GABRB1: variants seen among roughly 807,000 people sequenced by gnomAD.
GABRB1 encodes gamma-aminobutyric acid receptor subunit beta-1.
GABRB1 carries 17 observed loss-of-function variants against 51.6 expected under a neutral mutation model. The observed-to-expected ratio is 0.33, with a 90% CI of 0.23 to 0.49. The LOEUF is 0.49. Among genes scored for constraint, GABRB1 ranks in the 20% least tolerant of loss-of-function variants. The probability of loss-of-function intolerance (pLI) is 0.99; values close to 1 mark genes in which losing one functional copy is unlikely to be tolerated. For missense variants in GABRB1, 410 were observed against 600.6 expected, an observed-to-expected ratio of 0.68 and a Z score of 3.32; for synonymous variants, 247 against 218.9, an observed-to-expected ratio of 1.13 and a Z score of -1.14.
intron 4 of GABRB1, among the ~76,000 whole-genome samples, chr4:47,200,190 G>A (rs1276167625): frequency 1.3e-5 from 2 of 152,138 alleles, no homozygotes; most frequent in South Asian, 2.1e-4. Flanking sequence ...GTCCTGCAGG[G>A]GTCAAAACGT....
chr4:47,109,699 G>A (rs1715135476), intron 3 of GABRB1, among the ~76,000 whole-genome samples: 1 of 152,100 alleles, frequency 6.6e-6, no homozygotes. Flanking sequence ...GTCTCACCTG[G>A]GATGCTGAAG....
chr4:47,092,565 T>A (rs1728369240), intron 3 of GABRB1, among the ~76,000 whole-genome samples: 1 of 151,844 alleles, frequency 6.6e-6, no homozygotes, highest in South Asian at 2.1e-4. Flanking sequence ...AATTTGTGAA[T>A]CTGAGGTCAC....
chr4:47,411,537 A>C (rs1272186462), intron 8 of GABRB1, among the ~76,000 whole-genome samples: 1 of 152,200 alleles, frequency 6.6e-6, no homozygotes, highest in Non-Finnish European at 1.5e-5. Context: ...ATTATAAAGA[A>C]CTAGTGTGAG....
intron 4 of GABRB1, among the ~76,000 whole-genome samples, chr4:47,243,679 C>G (rs767385813): frequency 6.6e-6 from 1 of 152,128 alleles, no homozygotes; most frequent in Non-Finnish European, 1.5e-5. Flanking sequence ...CATGATTTGG[C>G]TCTCTATCTG....
At chr4:47,160,192 T>G (rs1229252334) in intron 3 of GABRB1, among the ~76,000 whole-genome samples, 2 of 152,096 alleles carry the variant, frequency 1.3e-5, no homozygotes, top group Non-Finnish European at 2.9e-5. Context: ...AAGAAAAAGT[T>G]CAGGGGGATA....
intron 3 of GABRB1, among the ~76,000 whole-genome samples, chr4:47,151,337 T>G (rs1414868582): frequency 6.6e-6 from 1 of 152,068 alleles, no homozygotes; most frequent in African/African-American, 2.4e-5. Context: ...TTTCTCCCTT[T>G]TAAGCTCTGT....
At chr4:47,155,746 C>A (rs139100645) in intron 3 of GABRB1, among the ~76,000 whole-genome samples, 1,928 of 151,582 alleles carry the variant, frequency 0.013, 22 homozygotes, top group Non-Finnish European at 0.019. Flanking sequence ...AAAATGATTT[C>A]TTATGGTAAA....
rs375510311 is a variant in GABRB1 at position 47,394,476 on chromosome 4, G to A, written c.545-8842G>A. On this transcript the variant is annotated intron_variant, in intron 5 of 8. Coordinates refer to ENST00000295454, the MANE Select transcript of GABRB1 (RefSeq NM_000812.4). ...CATTCATTTGTGAAGTGTGAGGCACGAGAACCTGACTGAATGAAAGGCCAC... is the reference window on the plus strand; with the variant it reads ...CATTCATTTGTGAAGTGTGAGGCACAAGAACCTGACTGAATGAAAGGCCAC... Among the ~76,000 whole-genome samples the A allele has an allele frequency of 1.1e-4, 8 of 71,936 alleles. No individual in the cohort carries two copies. In the East Asian group the frequency reaches 2.0e-3, roughly 18 times the overall value. The allele number at this position is 71,936 out of a possible 152,430, so 47.2% of individuals were successfully genotyped here. A position where few individuals can be genotyped will look rare whatever the true frequency, so the allele number is the denominator to read the frequency against.
chr4:47,114,069 AGT>A (rs1190873199), intron 3 of GABRB1, among the ~76,000 whole-genome samples: 2 of 152,212 alleles, frequency 1.3e-5, no homozygotes, highest in African/African-American at 2.4e-5. Flanking sequence ...ATGCATATGC[AGT>A]TTACAGTTCT....
At chr4:47,289,895 G>A (rs1353443385) in intron 4 of GABRB1, among the ~76,000 whole-genome samples, 1 of 152,146 alleles carries the variant, frequency 6.6e-6, no homozygotes, top group Non-Finnish European at 1.5e-5. Flanking sequence ...AAAGAATATT[G>A]GGAACTTTTG....
At chr4:47,214,935 A>T (rs1335638825) in intron 4 of GABRB1, among the ~76,000 whole-genome samples, 1 of 152,178 alleles carries the variant, frequency 6.6e-6, no homozygotes, top group Non-Finnish European at 1.5e-5. Flanking sequence ...CATATTTCTC[A>T]GCTTCCCTTA....
chr4:47,298,274 A>C (rs1724093525), intron 4 of GABRB1, among the ~76,000 whole-genome samples: 2 of 152,306 alleles, frequency 1.3e-5, no homozygotes, highest in African/African-American at 4.8e-5. Flanking sequence ...AGGGTATTCA[A>C]TTAGGAAAAG....
At chr4:47,001,409 T>C (rs1724211432) in intron 1 of GABRB1, among the ~76,000 whole-genome samples, 1 of 152,234 alleles carries the variant, frequency 6.6e-6, no homozygotes, top group Non-Finnish European at 1.5e-5. Context: ...CCCAAAGTGC[T>C]GGAATTACAG....
rs113503678 is a variant in GABRB1 at position 47,379,470 on chromosome 4, T to G, written c.545-23848T>G. On this transcript the variant is annotated intron_variant, in intron 5 of 8. Transcript: ENST00000295454. ...GGCCTAACTGTGAACTAATGTAAGG[T>G]TTTTGAACACATTTAAAGTAGGCTA... Among the ~76,000 whole-genome samples the G allele has an allele frequency of 5.6e-3, 855 of 152,264 alleles. 6 individuals are homozygous for G. The highest frequency in any genetic ancestry group is 0.019 in the African/African-American group (794 of 41,546).
intron 4 of GABRB1, among the ~76,000 whole-genome samples, chr4:47,188,697 T>C (rs900580342): frequency 1.3e-5 from 2 of 152,028 alleles, no homozygotes; most frequent in Non-Finnish European, 2.9e-5. Flanking sequence ...AAGTATATTA[T>C]GGAATCAAGA....
chr4:47,212,296 C>T (rs1484777840), intron 4 of GABRB1, among the ~76,000 whole-genome samples: 1 of 152,128 alleles, frequency 6.6e-6, no homozygotes, highest in African/African-American at 2.4e-5. Flanking sequence ...CAGCGGGAGG[C>T]CACTAACAAC....
intron 3 of GABRB1, among the ~76,000 whole-genome samples, chr4:47,041,326 A>T (rs1475015703): frequency 6.6e-6 from 1 of 152,148 alleles, no homozygotes; most frequent in Non-Finnish European, 1.5e-5. Context: ...TCCTGGAAAG[A>T]GGAAATCTAT....
intron 5 of GABRB1, among the ~76,000 whole-genome samples, chr4:47,341,617 C>G (rs75174690): frequency 0.029 from 4,449 of 152,252 alleles, 262 homozygotes; most frequent in African/African-American, 0.1. Context: ...ACTAAAAGAA[C>G]TAGAATTAGC....
intron 4 of GABRB1, among the ~76,000 whole-genome samples, chr4:47,224,235 A>G (rs1374348690): frequency 6.7e-6 from 1 of 150,104 alleles, no homozygotes. Flanking sequence ...TAAGACTCAA[A>G]TGTCCATTCT....
Sources: gnomAD v4.1 joint callset for allele counts (sites outside exome capture counted in the v4.1 genomes callset) on GRCh38, gnomAD v4.1.1 for gene constraint, MANE v1.5 for transcripts, NCBI Gene and HGNC (gene_info 2026-07-23, HGNC 2026-07-21) for gene names.